TECR: variants seen among roughly 807,000 people sequenced by gnomAD.
TECR encodes very-long-chain enoyl-CoA reductase.
TECR carries 19 observed loss-of-function variants against 50.6 expected under a neutral mutation model. The ratio of observed to expected loss-of-function variants is 0.38; its 90% CI spans 0.26 to 0.55. The LOEUF is 0.55. Ranked by LOEUF, TECR falls within the 20% of genes least tolerant of loss-of-function variation. The pLI, the probability that TECR is intolerant of heterozygous loss-of-function variation, is 0.79. For missense variants in TECR, 313 were observed against 408.3 expected (o/e 0.77, Z 2.01); for synonymous variants, 168 against 163.5 (o/e 1.03, Z -0.21).
At chr19:14,552,014 G>A (rs182088249) in intron 1 of TECR, among the ~76,000 whole-genome samples, 2,850 of 119,800 alleles carry the variant, frequency 0.024, 47 homozygotes, top group Non-Finnish European at 0.025. Context: ...TCGCTCTGTC[G>A]CCCAGGCTGG....
intron 11 of TECR, 37 bp downstream of exon 11, chr19:14,565,327 T>C: frequency 6.2e-7 from 1 of 1,608,284 alleles, no homozygotes; most frequent in Non-Finnish European, 8.5e-7. Flanking sequence ...CCCTGGGACT[T>C]GGGGTCCCAT....
At chr19:14,530,206 C>A in intron 1 of TECR, 1 of 175,910 alleles carries the variant, frequency 5.7e-6, no homozygotes, top group Non-Finnish European at 1.3e-5. Flanking sequence ...TGCAGCTCCA[C>A]GGCTGGCTTT....
chr19:14,535,053 C>A (rs1044612319), intron 1 of TECR, among the ~76,000 whole-genome samples: 2 of 152,048 alleles, frequency 1.3e-5, no homozygotes, highest in African/African-American at 4.8e-5. Context: ...GATGGGCTGC[C>A]CCTTGCAGTA....
chr19:14,545,513 G>A (rs188814540), intron 1 of TECR, among the ~76,000 whole-genome samples: 4 of 152,254 alleles, frequency 2.6e-5, no homozygotes, highest in Admixed American at 6.5e-5. Flanking sequence ...CTAGGGGGTG[G>A]GGGGGATAGC....
At chr19:14,565,019 G>T (rs749412527) in intron 9 of TECR, 27 bp downstream of exon 9, 2 of 1,613,814 alleles carry the variant, frequency 1.2e-6, no homozygotes, top group Non-Finnish European at 1.7e-6. Context: ...TGGGGACGGG[G>T]TCGGGGGAGT....
chr19:14,550,307 G>T (rs933298542), intron 1 of TECR, among the ~76,000 whole-genome samples: 1 of 152,110 alleles, frequency 6.6e-6, no homozygotes, highest in Non-Finnish European at 1.5e-5. Context: ...GTTAGCTGCC[G>T]CCGCGTGTAT....
Position 14,563,148 on chromosome 19 carries a change from C to T in TECR, c.67-58C>T, listed in dbSNP as rs1436199094. On this transcript the variant is annotated intron_variant, in intron 2 of 12. Transcript: ENST00000215567. The surrounding 1 kb of genome is among the most constrained non-coding windows in gnomAD (Gnocchi z 5.3). The stretch of plus-strand genomic sequence containing the variant: ...GCCTGCCATCCCCTTTAGTACCTCC[C>T]CATCCTGAGTCTGGGCTCCCCGCAG... 1 of 1,613,342 alleles carries T rather than the reference C, an allele frequency of 6.2e-7. No homozygotes were observed. The highest frequency in any genetic ancestry group is 1.7e-5 in the Admixed American group (1 of 59,944).
chr19:14,564,139 A>G, intron 6 of TECR, 42 bp downstream of exon 6: 1 of 1,605,278 alleles, frequency 6.2e-7, no homozygotes, highest in South Asian at 1.1e-5. Context: ...AAGGCAGAAG[A>G]CCTGCCGGAC....
intron 1 of TECR, among the ~76,000 whole-genome samples, chr19:14,553,441 C>G (rs2073609049): frequency 6.6e-6 from 1 of 152,130 alleles, no homozygotes; most frequent in Non-Finnish European, 1.5e-5. Flanking sequence ...CACTGTGGCG[C>G]CTCGGGGAGG....
intron 1 of TECR, among the ~76,000 whole-genome samples, chr19:14,533,611 C>G (rs1185251597): frequency 6.6e-6 from 1 of 152,086 alleles, no homozygotes; most frequent in Non-Finnish European, 1.5e-5. Context: ...AAATTAATGT[C>G]TGGTTGAGGA....
chr19:14,540,028 C>T (rs1025613060), intron 1 of TECR, among the ~76,000 whole-genome samples: 5 of 151,208 alleles, frequency 3.3e-5, no homozygotes, highest in East Asian at 1.9e-4. Flanking sequence ...TACAGGTACC[C>T]GCCACCATGC....
chr19:14,530,628 C>T (rs1461002798), intron 1 of TECR: 1 of 152,046 alleles, frequency 6.6e-6, no homozygotes, highest in Non-Finnish European at 1.5e-5. Flanking sequence ...TGTTCAAAGG[C>T]CCCTAGTTAG....
chr19:14,542,058 C>T (rs938840653), intron 1 of TECR, among the ~76,000 whole-genome samples: 26 of 152,250 alleles, frequency 1.7e-4, no homozygotes, highest in Non-Finnish European at 3.1e-4. Context: ...GCTGGGATTA[C>T]AGGCGTGAGC....
At chr19:14,537,808 G>C (rs972204807) in intron 1 of TECR, among the ~76,000 whole-genome samples, 1 of 150,310 alleles carries the variant, frequency 6.7e-6, no homozygotes, top group South Asian at 2.1e-4. Context: ...GTGCAATGGC[G>C]TGATCTCGGC....
At chr19:14,548,909 G>A (rs1006571677) in intron 1 of TECR, among the ~76,000 whole-genome samples, 66 of 152,044 alleles carry the variant, frequency 4.3e-4, no homozygotes, top group Admixed American at 2.6e-3. Context: ...ATACCACTGT[G>A]GCAGCCACAG....
At chr19:14,558,578 G>T (rs1217445814) in intron 1 of TECR, among the ~76,000 whole-genome samples, 1 of 152,164 alleles carries the variant, frequency 6.6e-6, no homozygotes, top group Non-Finnish European at 1.5e-5. Flanking sequence ...CAGGCCGGCA[G>T]AGCCACCAGC....
chr19:14,538,037 C>A (rs2072966172), intron 1 of TECR, among the ~76,000 whole-genome samples: 1 of 152,118 alleles, frequency 6.6e-6, no homozygotes, highest in Non-Finnish European at 1.5e-5. Context: ...TGAGCCACTG[C>A]GCCGGCAGTG....
chr19:14,562,585 G>T lies in TECR; in HGVS notation c.66+10G>T. The T allele has an allele frequency of 6.2e-7, 1 of 1,614,182 alleles. No homozygotes were observed. The highest frequency in any genetic ancestry group is 8.5e-7 in the Non-Finnish European group (1 of 1,180,028). On this transcript the variant is annotated intron_variant, in intron 2 of 12. Coordinates refer to ENST00000215567, the MANE Select transcript of TECR (RefSeq NM_138501.6). ...GTGTTTCTTGGACAAGGTAGGACTG[G>T]GGCGTGGGCTGCACTGGGCCAAGGG...
intron 1 of TECR, 163 bp downstream of exon 1, chr19:14,529,874 C>A: frequency 1.0e-6 from 1 of 956,904 alleles, no homozygotes; most frequent in African/African-American, 1.6e-5. Context: ...TCGTAAATTC[C>A]AATGCGCATG....
Sources: allele counts gnomAD v4.1 joint callset (sites outside exome capture counted in the v4.1 genomes callset), GRCh38; gene constraint gnomAD v4.1.1; non-coding constraint Gnocchi (gnomAD v3.1); transcripts MANE v1.5; gene names NCBI Gene and HGNC (gene_info 2026-07-23, HGNC 2026-07-21).